CACNA1B: variants seen among roughly 807,000 people sequenced by gnomAD.
CACNA1B encodes the protein calcium voltage-gated channel subunit alpha1 B.
A neutral mutation model predicts 247.2 loss-of-function variants in CACNA1B; 70 were observed. The observed-to-expected ratio is 0.28, with a 90% CI of 0.23 to 0.35. CACNA1B has a LOEUF of 0.35. Among genes scored for constraint, CACNA1B ranks in the 10% least tolerant of loss-of-function variants. The pLI is 1.00. For synonymous variants in CACNA1B, 1,231 were observed against 1,294.4 expected (o/e 0.95, Z 1.05); for missense variants, 2,367 against 3,197.4 (o/e 0.74, Z 6.26).
intron 6 of CACNA1B, among the ~76,000 whole-genome samples, chr9:137,938,212 A>G (rs1957692564): frequency 6.6e-6 from 1 of 152,178 alleles, no homozygotes; most frequent in Admixed American, 6.5e-5. Context: ...ACAAATGCTG[A>G]GAGAATTCGC....
chr9:137,882,543 C>T lies in CACNA1B; in HGVS notation c.391-201C>T, dbSNP rs553897730. Reference sequence around the variant, plus strand: ...AAACAGTGGTGTCCCCATTAGGGGACATGTGCAGACAGCAAGCAGGCTCAG... The same window carrying T: ...AAACAGTGGTGTCCCCATTAGGGGATATGTGCAGACAGCAAGCAGGCTCAG... On this transcript the variant is annotated intron_variant, in intron 2 of 46. Transcript: ENST00000371372. The surrounding 1 kb of genome is among the most constrained non-coding windows in gnomAD (Gnocchi z 4.0). 6.6e-6 allele frequency among the ~76,000 whole-genome samples: 1 copy of T among 152,278 alleles called. No homozygotes were observed. The highest frequency in any genetic ancestry group is 2.1e-4 in the South Asian group (1 of 4,826).
chr9:138,031,232 A>T (rs557815066), intron 20 of CACNA1B, among the ~76,000 whole-genome samples: 3 of 151,836 alleles, frequency 2.0e-5, no homozygotes, highest in Non-Finnish European at 4.4e-5. Flanking sequence ...CATATTGTAT[A>T]TTTTTTCAGT....
intron 42 of CACNA1B, among the ~76,000 whole-genome samples, chr9:138,116,684 G>A (rs1241541298): frequency 6.6e-6 from 1 of 152,198 alleles, no homozygotes; most frequent in African/African-American, 2.4e-5. Flanking sequence ...ACTCAGACTG[G>A]GTCTGGTGAG....
intron 6 of CACNA1B, among the ~76,000 whole-genome samples, chr9:137,939,864 C>A (rs1016802984): frequency 1.3e-5 from 2 of 150,238 alleles, no homozygotes; most frequent in African/African-American, 2.4e-5. Context: ...AAATAAAATT[C>A]TTCGAACTGA....
intron 5 of CACNA1B, among the ~76,000 whole-genome samples, chr9:137,916,430 A>C (rs921273472): frequency 6.6e-6 from 1 of 152,102 alleles, no homozygotes; most frequent in Admixed American, 6.6e-5. Flanking sequence ...AGAGATTAGC[A>C]GTGGTTTTCT....
At chr9:137,975,826 G>T in intron 11 of CACNA1B, 81 bp from the exon 12 acceptor site, 1 of 822,572 alleles carries the variant, frequency 1.2e-6, no homozygotes, top group Non-Finnish European at 2.1e-6. Context: ...AGGCCCAGAG[G>T]TCTGGTGTCC....
intron 44 of CACNA1B, among the ~76,000 whole-genome samples, chr9:138,119,754 G>A (rs9410162): frequency 0.016 from 2,420 of 152,238 alleles, 59 homozygotes; most frequent in African/African-American, 0.051. Context: ...ATGCATTGGC[G>A]GCTGTGGGTG....
chr9:138,058,028 C>T lies in CACNA1B; in HGVS notation c.4107-21C>T, dbSNP rs374553077. ...GTCTCCTTTGGGGGTTCCCCTGACACTTGCTCTCCTCTTTGCCCAGGGTGC... is the reference window on the plus strand; with the variant it reads ...GTCTCCTTTGGGGGTTCCCCTGACATTTGCTCTCCTCTTTGCCCAGGGTGC... On this transcript the variant is annotated intron_variant, in intron 27 of 46. Transcript: ENST00000371372. The surrounding 1 kb of genome is among the most constrained non-coding windows in gnomAD (Gnocchi z 4.7). 1 of 1,607,246 alleles carries T rather than the reference C, an allele frequency of 6.2e-7. No homozygotes were observed. The highest frequency in any genetic ancestry group is 8.5e-7 in the Non-Finnish European group (1 of 1,173,782).
chr9:138,017,298 C>G, intron 18 of CACNA1B: 6 of 470,396 alleles, frequency 1.3e-5, no homozygotes, highest in Non-Finnish European at 2.6e-5. Context: ...CACCGCAAGT[C>G]ATTTGCTTCA....
In CACNA1B at chr9:138,069,755, T is replaced by A; in HGVS notation, c.4669-3T>A. On this transcript the variant is annotated splice_polypyrimidine_tract_variant and splice_region_variant and intron_variant, in intron 31 of 46. Coordinates refer to ENST00000371372, the MANE Select transcript of CACNA1B (RefSeq NM_000718.4). ...TATCCATCCATGAAAACATCACATG[T>A]AGGAAACGGTTGGTTTCACGACTCT... 1 of 1,609,442 alleles carries A rather than the reference T, an allele frequency of 6.2e-7. No individual in the cohort carries two copies. Among genetic ancestry groups the A allele is most frequent in the Non-Finnish European group, 8.5e-7 (1 of 1,175,816 alleles).
In CACNA1B at chr9:138,024,984, G is replaced by T. The variant is rs769304303; in HGVS notation, c.3098G>T (p.Gly1033Val). 8 of 1,589,272 alleles carry T rather than the reference G, an allele frequency of 5.0e-6. No individual in the cohort carries two copies. In the South Asian group the frequency reaches 9.2e-5, roughly 18 times the overall value. ...CCACACTGTGACCTGGAGACCAGTGGGACTGTGACTGTGGGTCCCATGCAC... is the reference window on the plus strand; with the variant it reads ...CCACACTGTGACCTGGAGACCAGTGTGACTGTGACTGTGGGTCCCATGCAC... Reference protein sequence around the residue: ...REPHCDLETSGTVTVGPMHTL... With the variant: ...REPHCDLETSVTVTVGPMHTL... Residue 1033 changes from glycine (G) to valine (V), a missense_variant, in exon 20 of 47, where the codon GGG becomes GTG. Coordinates refer to ENST00000371372, the MANE Select transcript of CACNA1B (RefSeq NM_000718.4).
chr9:138,014,776 C>T lies in CACNA1B; in HGVS notation c.2267+1541C>T, dbSNP rs998530147. Reference sequence around the variant, plus strand: ...TTGTCCCTTGACCCCTGCTGCCTGCCGGCCCTGCCTCCTCCTGGGGGTATG... The same window carrying T: ...TTGTCCCTTGACCCCTGCTGCCTGCTGGCCCTGCCTCCTCCTGGGGGTATG... On this transcript the variant is annotated intron_variant, in intron 18 of 46. Coordinates refer to ENST00000371372, the MANE Select transcript of CACNA1B (RefSeq NM_000718.4). This position sits in a 1 kb window ranked among gnomAD's most constrained non-coding sequence, Gnocchi z 6.2. 6.6e-6 allele frequency among the ~76,000 whole-genome samples: 1 copy of T among 151,988 alleles called. No individual in the cohort carries two copies. Among genetic ancestry groups the T allele is most frequent in the Non-Finnish European group, 1.5e-5 (1 of 67,988 alleles).
At chr9:138,119,127 C>T (rs1323376286) in intron 44 of CACNA1B, among the ~76,000 whole-genome samples, 2 of 152,084 alleles carry the variant, frequency 1.3e-5, no homozygotes, top group East Asian at 1.9e-4. Flanking sequence ...CTGAGACAAC[C>T]CCCACTCTCA....
At chr9:137,897,211 C>G (rs970767038) in intron 3 of CACNA1B, among the ~76,000 whole-genome samples, 1 of 152,104 alleles carries the variant, frequency 6.6e-6, no homozygotes, top group Admixed American at 6.6e-5. Flanking sequence ...TTCATTTTCT[C>G]TGTTCTTGTG....
chr9:138,096,683 G>T, intron 37 of CACNA1B, 72 bp downstream of exon 37: 1 of 1,488,416 alleles, frequency 6.7e-7, no homozygotes, highest in South Asian at 1.3e-5. Context: ...GGGCCTGGTG[G>T]CTTCAGACAT....
chr9:137,926,144 C>T (rs1259199610), intron 6 of CACNA1B, among the ~76,000 whole-genome samples: 1 of 146,706 alleles, frequency 6.8e-6, no homozygotes, highest in East Asian at 2.0e-4. Context: ...TCTTGGCTCA[C>T]TTGCAAGCTC....
chr9:137,914,873 C>T lies in CACNA1B; in HGVS notation c.775+67C>T. The T allele has an allele frequency of 3.8e-6, 6 of 1,576,676 alleles. No individual in the cohort carries two copies. Among genetic ancestry groups the T allele is most frequent in the South Asian group, 3.6e-5 (3 of 84,306 alleles). ...GATGCGTTCATCCAGGAGATGGGCACTGTTCTAGGTGCTAGAGGGGCCTTC... is the reference window on the plus strand; with the variant it reads ...GATGCGTTCATCCAGGAGATGGGCATTGTTCTAGGTGCTAGAGGGGCCTTC... On this transcript the variant is annotated intron_variant, in intron 5 of 46. Coordinates refer to ENST00000371372, the MANE Select transcript of CACNA1B (RefSeq NM_000718.4). This position sits in a 1 kb window ranked among gnomAD's most constrained non-coding sequence, Gnocchi z 4.3.
At chr9:138,013,728 C>T (rs1056273437) in intron 18 of CACNA1B, among the ~76,000 whole-genome samples, 1 of 152,326 alleles carries the variant, frequency 6.6e-6, no homozygotes, top group East Asian at 1.9e-4. Context: ...GCGAAAACTG[C>T]GTATTCCATA....
chr9:138,088,598 AC>A (rs1960778071), intron 36 of CACNA1B, among the ~76,000 whole-genome samples: 1 of 152,004 alleles, frequency 6.6e-6, no homozygotes, highest in Admixed American at 6.6e-5. Context: ...CCAAGATTGA[AC>A]CAAGGAGAAA....
Sources: gnomAD v4.1 joint callset for allele counts (sites outside exome capture counted in the v4.1 genomes callset) on GRCh38, gnomAD v4.1.1 for gene constraint, Gnocchi (gnomAD v3.1) non-coding constraint, MANE v1.5 for transcripts, NCBI Gene and HGNC (gene_info 2026-07-23, HGNC 2026-07-21) for gene names.